TBC1D4: variants seen among roughly 807,000 people sequenced by gnomAD.
The protein encoded by TBC1D4 is TBC1 domain family member 4, also known as TBC (Tre-2, BUB2, CDC16) domain-containing protein.
TBC1D4 carries 121 observed loss-of-function variants against 142.5 expected under a neutral mutation model. The observed-to-expected ratio is 0.85, with a 90% confidence interval of 0.73 to 0.99. The LOEUF is 0.99. Ranked by LOEUF, TBC1D4 falls within the 50% of genes least tolerant of loss-of-function variation. TBC1D4 has a pLI of 0.00. For missense variants in TBC1D4, 1,475 were observed against 1,606.6 expected, an observed-to-expected ratio of 0.92 and a Z score of 1.40; for synonymous variants, 630 against 628.2, an observed-to-expected ratio of 1.00 and a Z score of -0.04.
Position 75,362,075 on chromosome 13 carries a change from C to G in TBC1D4, c.1031G>C (p.Ser344Thr). ...CTCCGAGTCCGAGGGCTGGACGTGACTGGGTGCGCTCGCGTGTCTCCGTCG... is the reference window on the plus strand; with the variant it reads ...CTCCGAGTCCGAGGGCTGGACGTGAGTGGGTGCGCTCGCGTGTCTCCGTCG... Reference protein sequence around the residue: ...QPRRRHASAPSHVQPSDSEKN... With the variant: ...QPRRRHASAPTHVQPSDSEKN... Residue 344 changes from serine to threonine, a missense_variant, in exon 2 of 21, where the codon AGT (serine) becomes ACT (threonine). By Grantham distance (58) the Ser-to-Thr change is moderately conservative. Coordinates refer to ENST00000377636, the MANE Select transcript of TBC1D4 (RefSeq NM_014832.5). The surrounding 1 kb of genome is among the most constrained non-coding windows in gnomAD (Gnocchi z 4.2). The G allele has an allele frequency of 6.2e-7, 1 of 1,614,134 alleles. No individual in the cohort carries two copies. The highest frequency in any genetic ancestry group is 8.5e-7 in the Non-Finnish European group (1 of 1,180,040).
intron 1 of TBC1D4, among the ~76,000 whole-genome samples, chr13:75,480,552 GA>G (rs926662709): frequency 6.6e-6 from 1 of 152,030 alleles, no homozygotes; most frequent in Non-Finnish European, 1.5e-5. Flanking sequence ...AAACAAAAGT[GA>G]AAAAAACATT....
Position 75,359,809 on chromosome 13 carries a change from A to C in TBC1D4, c.1130T>G (p.Val377Gly). ...GATATCTTTAAAATTCTTTTCTAGC[A>C]CAACTGATTTAGTGTCTGGACTGAT... ...NLISPDTKSV[V>G]LEKNFKDISS... The change falls in exon 3 of 21, where the codon GTG becomes GGG. Residue 377 changes from valine (V) to glycine (G), a missense_variant. Physicochemically the swap from Val to Gly is moderately radical, Grantham distance 109. Transcript: ENST00000377636. The C allele has an allele frequency of 6.2e-7, 1 of 1,613,712 alleles. No individual in the cohort carries two copies. Among genetic ancestry groups the C allele is most frequent in the Non-Finnish European group, 8.5e-7 (1 of 1,179,796 alleles).
chr13:75,296,525 A>G (rs1321023764), intron 17 of TBC1D4, among the ~76,000 whole-genome samples: 4 of 152,340 alleles, frequency 2.6e-5, no homozygotes, highest in South Asian at 2.1e-4. Context: ...TCTTCCATCA[A>G]GGGATATTTG....
chr13:75,384,500 G>A (rs1225552777), intron 1 of TBC1D4, among the ~76,000 whole-genome samples: 3 of 149,916 alleles, frequency 2.0e-5, no homozygotes, highest in African/African-American at 7.4e-5. Context: ...CAGTCAACCT[G>A]ACAGTAACTT....
chr13:75,377,713 T>C (rs1028311566), intron 1 of TBC1D4, among the ~76,000 whole-genome samples: 1 of 148,920 alleles, frequency 6.7e-6, no homozygotes, highest in African/African-American at 2.4e-5. Context: ...TATATATATA[T>C]ATATTTTCTG....
rs1310298965 is a variant in TBC1D4 at position 75,299,516 on chromosome 13, T to G, written c.2970A>C (p.Ser990=). 3 of 1,614,032 alleles carry G rather than the reference T, an allele frequency of 1.9e-6. No homozygotes were observed. The highest frequency in any genetic ancestry group is 2.5e-6 in the Non-Finnish European group (3 of 1,180,030). ...AATAGGCTTTCAGGAGGTTAAACAG[T>G]GACAGCTGTCCTGGCCCAAGCTGTA... ...FSVQLGPGQL[S]LFNLLKAYSL... Residue 990 remains serine (S), a synonymous_variant, in exon 17 of 21, where the codon TCA becomes TCC. Transcript: ENST00000377636.
chr13:75,369,653 A>G (rs1883118133), intron 1 of TBC1D4, among the ~76,000 whole-genome samples: 2 of 152,232 alleles, frequency 1.3e-5, no homozygotes, highest in African/African-American at 4.8e-5. Flanking sequence ...CAGAAAAGAT[A>G]TGATACCCCC....
intron 1 of TBC1D4, among the ~76,000 whole-genome samples, chr13:75,414,178 GC>G (rs1381910492): frequency 1.3e-5 from 2 of 152,164 alleles, no homozygotes; most frequent in African/African-American, 4.8e-5. Flanking sequence ...AGGGTGGTAG[GC>G]CTAGGCCACT....
At chr13:75,322,174 G>A (rs1480787726) in intron 11 of TBC1D4, among the ~76,000 whole-genome samples, 1 of 152,162 alleles carries the variant, frequency 6.6e-6, no homozygotes, top group Non-Finnish European at 1.5e-5. Context: ...AATTTTTTAA[G>A]TACACTTTTG....
intron 17 of TBC1D4, 72 bp downstream of exon 17, chr13:75,299,258 T>G (rs944470600): frequency 4.7e-5 from 75 of 1,607,220 alleles, no homozygotes; most frequent in Non-Finnish European, 6.0e-5. Context: ...ATCTGAACTG[T>G]AATAATTGAG....
intron 1 of TBC1D4, among the ~76,000 whole-genome samples, chr13:75,406,899 A>G (rs1213615142): frequency 1.3e-5 from 2 of 152,184 alleles, no homozygotes; most frequent in African/African-American, 2.4e-5. Flanking sequence ...AAGGGTCTCT[A>G]GCACACTCAT....
chr13:75,329,202 T>C (rs1205412858), intron 8 of TBC1D4, among the ~76,000 whole-genome samples: 1 of 152,146 alleles, frequency 6.6e-6, no homozygotes, highest in Non-Finnish European at 1.5e-5. Context: ...CTTAGATTAT[T>C]AGGACTGTAA....
chr13:75,292,887 G>A (rs1316469787), intron 18 of TBC1D4, among the ~76,000 whole-genome samples: 3 of 152,168 alleles, frequency 2.0e-5, no homozygotes, highest in Non-Finnish European at 4.4e-5. Context: ...GGGCGTGTTG[G>A]CTCACATCTG....
At chr13:75,386,806 A>C (rs1443972200) in intron 1 of TBC1D4, among the ~76,000 whole-genome samples, 1 of 152,192 alleles carries the variant, frequency 6.6e-6, no homozygotes, top group Non-Finnish European at 1.5e-5. Flanking sequence ...TCAATATTAA[A>C]ACAGTTAATA....
At chr13:75,344,926 T>C (rs570286006) in intron 5 of TBC1D4, among the ~76,000 whole-genome samples, 1 of 152,380 alleles carries the variant, frequency 6.6e-6, no homozygotes, top group Admixed American at 6.5e-5. Context: ...TATCTAAATG[T>C]GATCCTTCTT....
At position 75,312,888 on chromosome 13, in the gene TBC1D4, C is replaced by G. The variant is rs1212222071; in HGVS notation, c.2233G>C (p.Gly745Arg). The G allele has an allele frequency of 2.5e-6, 4 of 1,614,088 alleles. No homozygotes were observed. The highest frequency in any genetic ancestry group is 3.4e-6 in the Non-Finnish European group (4 of 1,180,044). The stretch of plus-strand genomic sequence containing the variant: ...CAGGTAGATGAGGTCCTTTTTCTCC[C>G]TTCTCCATCACTGTTGAAAGCAAAT... ...DTASESSDGE[G>R]RKRTSSTCSN... The change falls in exon 13 of 21, where the codon GGG becomes CGG. Residue 745 changes from glycine (G) to arginine (R), a missense_variant. This residue lies in a region of TBC1D4 where 1,227 missense variants were observed against 1,267.7 expected (regional missense o/e 0.97). Transcript: ENST00000377636.
At chr13:75,421,606 T>A (rs1032854144) in intron 1 of TBC1D4, among the ~76,000 whole-genome samples, 1 of 152,214 alleles carries the variant, frequency 6.6e-6, no homozygotes, top group African/African-American at 2.4e-5. Context: ...AATGATACTC[T>A]ATTGGTTGTG....
intron 1 of TBC1D4, among the ~76,000 whole-genome samples, chr13:75,410,927 C>A (rs1885622199): frequency 1.1e-5 from 1 of 89,572 alleles, no homozygotes; most frequent in Non-Finnish European, 2.0e-5. Context: ...CAGAGCGAGA[C>A]TCCGTCTCAA....
At chr13:75,413,884 C>T (rs979956510) in intron 1 of TBC1D4, among the ~76,000 whole-genome samples, 1 of 152,154 alleles carries the variant, frequency 6.6e-6, no homozygotes, top group African/African-American at 2.4e-5. Flanking sequence ...TAAAACCAAA[C>T]ATGGTTCTCC....
Sources: gnomAD v4.1 joint callset for allele counts (sites outside exome capture counted in the v4.1 genomes callset) on GRCh38, gnomAD v4.1.1 for gene constraint, gnomAD v4.1.1 regional missense constraint, Gnocchi (gnomAD v3.1) non-coding constraint, MANE v1.5 for transcripts, NCBI Gene and HGNC (gene_info 2026-07-23, HGNC 2026-07-21) for gene names.